KYNU: variants seen among roughly 807,000 people sequenced by gnomAD.
The protein encoded by KYNU is L-kynurenine hydrolase.
KYNU carries 54 observed loss-of-function variants against 59.2 expected under a neutral mutation model. The observed-to-expected ratio is 0.91, with a 90% confidence interval of 0.73 to 1.14. The LOEUF (loss-of-function observed/expected upper bound fraction) is 1.14. KYNU is among the 50% of genes most tolerant of loss of function. The pLI, the probability that KYNU is intolerant of heterozygous loss-of-function variation, is 0.00. For synonymous variants in KYNU, 177 were observed against 192.0 expected, an observed-to-expected ratio of 0.92 and a Z score of 0.65; for missense variants, 567 against 554.4, an observed-to-expected ratio of 1.02 and a Z score of -0.23.
chr2:142,958,606 CAT>C (rs1350125537), intron 7 of KYNU, among the ~76,000 whole-genome samples: 1 of 152,142 alleles, frequency 6.6e-6, no homozygotes, highest in Non-Finnish European at 1.5e-5. Flanking sequence ...AAAGTTCTCA[CAT>C]GAGAGGATAT....
chr2:143,023,093 T>C (rs1263709505), intron 10 of KYNU, among the ~76,000 whole-genome samples: 3 of 151,954 alleles, frequency 2.0e-5, no homozygotes, highest in Non-Finnish European at 4.4e-5. Context: ...TTAAAATTGA[T>C]CTACAGTTTA....
chr2:142,962,662 A>G (rs1325341757), intron 8 of KYNU, among the ~76,000 whole-genome samples: 1 of 152,204 alleles, frequency 6.6e-6, no homozygotes, highest in African/African-American at 2.4e-5. Context: ...TAGAACTCTC[A>G]GTCAAATAAA....
chr2:142,985,925 A>G, intron 9 of KYNU, 23 bp from the exon 10 acceptor site: 1 of 1,523,738 alleles, frequency 6.6e-7, no homozygotes, highest in Non-Finnish European at 9.1e-7. Flanking sequence ...AAACCCACAT[A>G]ATTTAATTTA....
chr2:142,963,455 G>T (rs1399082302), intron 8 of KYNU, among the ~76,000 whole-genome samples: 1 of 152,158 alleles, frequency 6.6e-6, no homozygotes, highest in African/African-American at 2.4e-5. Context: ...TCTGCTTAGG[G>T]CTGCTGTTTG....
At chr2:142,881,969 G>A (rs144348818) in intron 1 of KYNU, among the ~76,000 whole-genome samples, 1 of 134,414 alleles carries the variant, frequency 7.4e-6, no homozygotes, top group African/African-American at 3.0e-5. Flanking sequence ...TGTCCAGACT[G>A]GTCTCAAACT....
At chr2:142,995,823 ACT>A (rs1442379836) in intron 10 of KYNU, among the ~76,000 whole-genome samples, 2 of 150,922 alleles carry the variant, frequency 1.3e-5, no homozygotes, top group Non-Finnish European at 3.0e-5. Flanking sequence ...CTGGATTTAG[ACT>A]CTGTTTGCTC....
In KYNU at chr2:143,043,723, TA is replaced by T. The variant is rs1687118190; in HGVS notation, c.*1556del. On this transcript the variant is annotated 3_prime_UTR_variant, in exon 14 of 14. Coordinates refer to ENST00000264170, the MANE Select transcript of KYNU (RefSeq NM_003937.3). ...GCATAAGTGGATTCATATACATATA[TA>T]AAAATATATATAAATATATATACTT... is the stretch of plus-strand genomic sequence containing the variant. 6.8e-6 allele frequency: 1 copy of T among 147,170 alleles called. No individual in the cohort carries two copies. The highest frequency in any genetic ancestry group is 2.5e-5 in the African/African-American group (1 of 40,588). 9.1% of individuals were successfully genotyped at this position (147,170 alleles called of 1,614,324 possible). A position where few individuals can be genotyped will look rare whatever the true frequency, so the allele number is the denominator to read the frequency against.
intron 10 of KYNU, among the ~76,000 whole-genome samples, chr2:143,028,237 T>C (rs1573913064): frequency 1.5e-5 from 2 of 129,334 alleles, no homozygotes; most frequent in East Asian, 4.2e-4. Context: ...TGGCTTATTT[T>C]ACATTCTTTT....
intron 8 of KYNU, among the ~76,000 whole-genome samples, chr2:142,977,540 C>T (rs1177104473): frequency 1.3e-5 from 2 of 151,898 alleles, no homozygotes; most frequent in Non-Finnish European, 2.9e-5. Context: ...TTCACTGAAG[C>T]TCCACTTGAA....
At chr2:143,014,732 A>G (rs1358784617) in intron 10 of KYNU, among the ~76,000 whole-genome samples, 1 of 152,250 alleles carries the variant, frequency 6.6e-6, no homozygotes, top group Non-Finnish European at 1.5e-5. Context: ...AATTCTTAAT[A>G]CATTTAAAGT....
At position 143,048,864 on chromosome 2, in the gene KYNU, C is replaced by G. The variant is rs1044669796; in HGVS notation, c.*6692C>G. ...CAGGAAACAATAGATGCTGGTGAGGCTGTGGAGAAATAAGAATGCTTTTAC... is the reference window on the plus strand; with the variant it reads ...CAGGAAACAATAGATGCTGGTGAGGGTGTGGAGAAATAAGAATGCTTTTAC... On this transcript the variant is annotated 3_prime_UTR_variant, in exon 14 of 14. Coordinates refer to ENST00000264170, the MANE Select transcript of KYNU (RefSeq NM_003937.3). 6 of 152,052 alleles carry G rather than the reference C, an allele frequency of 3.9e-5. No homozygotes were observed. Among genetic ancestry groups the G allele is most frequent in the Non-Finnish European group, 8.8e-5 (6 of 67,974 alleles). The allele number at this position is 152,052 out of a possible 1,614,324, so 9.4% of individuals were successfully genotyped here.
At chr2:142,978,429 C>T (rs192913309) in intron 8 of KYNU, among the ~76,000 whole-genome samples, 1 of 152,232 alleles carries the variant, frequency 6.6e-6, no homozygotes. Flanking sequence ...GGTATAGAAG[C>T]TGCATTTCCC....
At position 143,042,529 on chromosome 2, in the gene KYNU, A is replaced by T. The variant is rs1687084727; in HGVS notation, c.*357A>T. On this transcript the variant is annotated 3_prime_UTR_variant, in exon 14 of 14. Transcript: ENST00000264170. ...TGTGCAATTATTGTGTCAAATTTAG[A>T]AATATTACTTTAGCTTCAATTTACC... is the stretch of plus-strand genomic sequence containing the variant. The T allele has an allele frequency of 5.4e-6, 1 of 183,612 alleles. No homozygotes were observed. Among genetic ancestry groups the T allele is most frequent in the Admixed American group, 5.7e-5 (1 of 17,516 alleles). The allele number at this position is 183,612 out of a possible 1,614,324, so 11.4% of individuals were successfully genotyped here.
At position 142,974,485 on chromosome 2, in the gene KYNU, T is replaced by C. The variant is rs549624055; in HGVS notation, c.730-10599T>C. On this transcript the variant is annotated intron_variant, in intron 8 of 13. Coordinates refer to ENST00000264170, the MANE Select transcript of KYNU (RefSeq NM_003937.3). ...GCTTTTTCCTTTTGGCCTAGTAAAT[T>C]GAGGTCCCAGTTTTTATTTTCCTTT... Among the ~76,000 whole-genome samples, 35 of 152,250 alleles carry C rather than the reference T, an allele frequency of 2.3e-4. No individual in the cohort carries two copies. The South Asian group carries it at 6.4e-3, about 28-fold the overall frequency.
intron 10 of KYNU, among the ~76,000 whole-genome samples, chr2:143,025,741 T>A (rs922177538): frequency 1.3e-5 from 2 of 152,126 alleles, no homozygotes; most frequent in Non-Finnish European, 2.9e-5. Flanking sequence ...ATCATCAATA[T>A]AGGCAGAAGA....
intron 4 of KYNU, among the ~76,000 whole-genome samples, chr2:142,928,844 CA>C (rs1388703817): frequency 4.0e-5 from 6 of 151,026 alleles, no homozygotes; most frequent in African/African-American, 9.7e-5. Flanking sequence ...CCCATCTCTA[CA>C]AAAAAATTTT....
At chr2:143,006,136 C>T (rs1685878319) in intron 10 of KYNU, among the ~76,000 whole-genome samples, 3 of 152,114 alleles carry the variant, frequency 2.0e-5, no homozygotes, top group Admixed American at 1.3e-4. Context: ...GCATTTCCAT[C>T]TGAGGTACCG....
At chr2:142,984,854 A>G (rs1473735702) in intron 8 of KYNU, among the ~76,000 whole-genome samples, 2 of 152,120 alleles carry the variant, frequency 1.3e-5, no homozygotes, top group East Asian at 1.9e-4. Flanking sequence ...GCAAGTGTCA[A>G]TTCAGCAAAA....
chr2:142,926,957 T>C (rs965409653), intron 3 of KYNU, among the ~76,000 whole-genome samples: 2 of 152,258 alleles, frequency 1.3e-5, no homozygotes, highest in Non-Finnish European at 2.9e-5. Flanking sequence ...ATCTTAATCC[T>C]CTGTTTTAAT....
Sources: gnomAD v4.1 joint callset for allele counts (sites outside exome capture counted in the v4.1 genomes callset) on GRCh38, gnomAD v4.1.1 for gene constraint, MANE v1.5 for transcripts, NCBI Gene and HGNC (gene_info 2026-07-23, HGNC 2026-07-21) for gene names.